Variants in VPS13B observed in about 807,000 individuals in gnomAD.
VPS13B encodes vacuolar protein sorting 13 homolog B, also known as intermembrane lipid transfer protein VPS13B.
In VPS13B, 285 loss-of-function variants were observed where a neutral mutation model predicts 426.4. The ratio of observed to expected loss-of-function variants is 0.67; its 90% confidence interval spans 0.61 to 0.74. The LOEUF (loss-of-function observed/expected upper bound fraction) is 0.74. VPS13B is among the 30% of genes least tolerant of loss of function. The pLI, the probability that VPS13B is intolerant of heterozygous loss-of-function variation, is 0.00. For missense variants in VPS13B, 4,537 were observed against 4,782.6 expected (o/e 0.95, Z 1.51); for synonymous variants, 1,676 against 1,676.4 (o/e 1.00, Z 0.01).
intron 14 of VPS13B, among the ~76,000 whole-genome samples, chr8:99,151,474 A>G (rs1438857033): frequency 6.6e-6 from 1 of 151,992 alleles, no homozygotes; most frequent in South Asian, 2.1e-4. Context: ...TGTATCCTTT[A>G]CGAATTGGTC....
chr8:99,276,741 A>C (rs577618874), intron 19 of VPS13B, among the ~76,000 whole-genome samples: 14 of 152,260 alleles, frequency 9.2e-5, no homozygotes, highest in African/African-American at 3.1e-4. Context: ...CCTTAAATAT[A>C]TTGTTTAGTA....
chr8:99,739,823 C>T (rs543110452), intron 39 of VPS13B, among the ~76,000 whole-genome samples: 113 of 152,256 alleles, frequency 7.4e-4, no homozygotes, highest in Non-Finnish European at 1.3e-3. Flanking sequence ...CCCATCTGTA[C>T]GTCACCAAAA....
chr8:99,789,400 T>C (rs1423403390), intron 43 of VPS13B, among the ~76,000 whole-genome samples: 2 of 152,184 alleles, frequency 1.3e-5, no homozygotes, highest in Admixed American at 6.5e-5. Context: ...AGTGTTCTCC[T>C]ATGTGTGCAT....
At chr8:99,722,784 G>A (rs941980602) in intron 39 of VPS13B, among the ~76,000 whole-genome samples, 4 of 152,144 alleles carry the variant, frequency 2.6e-5, no homozygotes, top group African/African-American at 4.8e-5. Flanking sequence ...TGGGATTACA[G>A]GCGTGAGCCA....
chr8:99,444,574 T>C lies in VPS13B; in HGVS notation c.3445+1939T>C, dbSNP rs145804853. Among the ~76,000 whole-genome samples, 120 of 152,252 alleles carry C rather than the reference T, an allele frequency of 7.9e-4. No homozygotes were observed. The East Asian group carries it at 0.022, about 28-fold the overall frequency. On this transcript the variant is annotated intron_variant, in intron 23 of 61. Transcript: ENST00000357162. The stretch of plus-strand genomic sequence containing the variant: ...AAAAGTGGTGTGAAGTGGAATCTCA[T>C]TGTGGTTTTGGTTTGCATTTCCCTA...
intron 52 of VPS13B, among the ~76,000 whole-genome samples, chr8:99,834,131 A>G (rs1435745788): frequency 2.0e-5 from 3 of 152,248 alleles, no homozygotes; most frequent in African/African-American, 7.2e-5. Context: ...GATGGATGGC[A>G]AATGGAAGCT....
At chr8:99,872,528 A>AC (rs199527428) in intron 61 of VPS13B, among the ~76,000 whole-genome samples, 68 of 152,226 alleles carry the variant, frequency 4.5e-4, no homozygotes, top group Non-Finnish European at 2.8e-4. Flanking sequence ...AACCAGACAG[A>AC]CCCCAGCTTC....
rs187251444 is a variant in VPS13B at position 99,490,919 on chromosome 8, T to A, written c.3870+9117T>A. Among the ~76,000 whole-genome samples, 4 of 152,300 alleles carry A rather than the reference T, an allele frequency of 2.6e-5. No individual in the cohort carries two copies. In the East Asian group the frequency reaches 7.7e-4, roughly 29 times the overall value. ...TATCTCCTTCAGTTCTGCTCTTTGA[T>A]CTTAGTTATTTCTTGTCTTCTGCTA... On this transcript the variant is annotated intron_variant, in intron 25 of 61. Transcript: ENST00000357162.
At chr8:99,490,522 A>T (rs997593534) in intron 25 of VPS13B, among the ~76,000 whole-genome samples, 2 of 152,118 alleles carry the variant, frequency 1.3e-5, no homozygotes, top group East Asian at 1.9e-4. Flanking sequence ...CTGTGTATCC[A>T]TCTGGTCCTG....
chr8:99,467,717 C>A lies in VPS13B; in HGVS notation c.3666+83C>A, dbSNP rs978909455. On this transcript the variant is annotated intron_variant, in intron 24 of 61. Coordinates refer to ENST00000357162, the MANE Select transcript of VPS13B (RefSeq NM_152564.5). ...TTATCCATTTTGTTGAAGGGTTTCT[C>A]TTCTCTTGAGTATCCTAAATTATTT... The A allele has an allele frequency of 1.1e-4, 153 of 1,417,546 alleles. 2 individuals carry two copies. The Admixed American group carries it at 1.9e-3, about 18-fold the overall frequency. 87.8% of individuals were successfully genotyped at this position (1,417,546 alleles called of 1,614,324 possible).
At chr8:99,101,334 G>A (rs538236661) in intron 4 of VPS13B, among the ~76,000 whole-genome samples, 100 of 152,080 alleles carry the variant, frequency 6.6e-4, no homozygotes, top group African/African-American at 1.7e-3. Flanking sequence ...GGGTTTCACC[G>A]TGTCAGCCAG....
At chr8:99,268,093 C>A (rs142994509) in intron 17 of VPS13B, among the ~76,000 whole-genome samples, 4 of 152,288 alleles carry the variant, frequency 2.6e-5, no homozygotes, top group African/African-American at 9.6e-5. Flanking sequence ...CCTGAGAGTA[C>A]ACAGAAGACA....
chr8:99,875,763 T>TG lies in VPS13B; in HGVS notation c.*101dup. 4 of 1,534,480 alleles carry TG rather than the reference T, an allele frequency of 2.6e-6. No homozygotes were observed. The South Asian group carries it at 3.4e-5, about 13-fold the overall frequency. On this transcript the variant is annotated 3_prime_UTR_variant, in exon 62 of 62. Transcript: ENST00000357162. ...CATTGCCCTTGCTGACCTCAAATTC[T>TG]GGGGTTCAAGCAATCCTCCCACCTC...
chr8:99,017,835 T>C (rs1021904366), intron 2 of VPS13B, among the ~76,000 whole-genome samples: 5 of 152,190 alleles, frequency 3.3e-5, no homozygotes, highest in Non-Finnish European at 7.3e-5. Context: ...TTAGAATTAA[T>C]TTCTAAAAAG....
chr8:99,523,283 G>A (rs1342980785), intron 30 of VPS13B, among the ~76,000 whole-genome samples: 3 of 152,148 alleles, frequency 2.0e-5, no homozygotes, highest in Non-Finnish European at 2.9e-5. Context: ...TTGGGAGCCG[G>A]GGAACTCACC....
intron 29 of VPS13B, 57 bp from the exon 30 acceptor site, chr8:99,520,842 G>A (rs1184434920): frequency 7.3e-6 from 10 of 1,370,738 alleles, no homozygotes; most frequent in Non-Finnish European, 1.0e-5. Flanking sequence ...TTCTCCTTAT[G>A]CATAAAGTTA....
chr8:99,090,182 T>C (rs1292185835), intron 3 of VPS13B, among the ~76,000 whole-genome samples: 2 of 152,138 alleles, frequency 1.3e-5, no homozygotes, highest in Non-Finnish European at 2.9e-5. Context: ...TCTCCACTTT[T>C]CTTAAGAGAA....
chr8:99,048,118 CAG>C (rs1396519311), intron 3 of VPS13B, among the ~76,000 whole-genome samples: 1 of 152,190 alleles, frequency 6.6e-6, no homozygotes, highest in Admixed American at 6.5e-5. Context: ...AATGATCACT[CAG>C]AAACAGTTTA....
chr8:99,565,485 T>C (rs1427780609), intron 31 of VPS13B, among the ~76,000 whole-genome samples: 1 of 152,134 alleles, frequency 6.6e-6, no homozygotes. Context: ...CTTCTCAGGA[T>C]TGGTAACATT....
Sources: allele counts gnomAD v4.1 joint callset (sites outside exome capture counted in the v4.1 genomes callset), GRCh38; gene constraint gnomAD v4.1.1; transcripts MANE v1.5; gene names NCBI Gene and HGNC (gene_info 2026-07-23, HGNC 2026-07-21).